Variants in SLC25A12 observed in about 807,000 individuals in gnomAD.
The protein encoded by SLC25A12 is electrogenic aspartate/glutamate antiporter SLC25A12, mitochondrial.
SLC25A12 carries 32 observed loss-of-function variants against 83.3 expected under a neutral mutation model. That is an observed-to-expected ratio of 0.38 (90% CI 0.29 to 0.52). SLC25A12 has a LOEUF of 0.52. SLC25A12 is among the 20% of genes least tolerant of loss of function. The pLI, the probability that SLC25A12 is intolerant of heterozygous loss-of-function variation, is 0.84. For missense variants in SLC25A12, 611 were observed against 835.6 expected (o/e 0.73, Z 3.31); for synonymous variants, 267 against 291.1 (o/e 0.92, Z 0.84).
At chr2:171,858,988 C>T (rs1685096536) in intron 3 of SLC25A12, among the ~76,000 whole-genome samples, 1 of 152,162 alleles carries the variant, frequency 6.6e-6, no homozygotes, top group African/African-American at 2.4e-5. Context: ...GCCAGAAGGA[C>T]CCTTAGAAAG....
chr2:171,826,185 A>G (rs1463333573), intron 9 of SLC25A12, among the ~76,000 whole-genome samples: 3 of 152,228 alleles, frequency 2.0e-5, no homozygotes, highest in Non-Finnish European at 2.9e-5. Context: ...TTTAAATGTG[A>G]CGAGGCAAAT....
intron 4 of SLC25A12, 59 bp from the exon 5 acceptor site, chr2:171,844,567 G>T: frequency 1.7e-6 from 2 of 1,184,088 alleles, no homozygotes; most frequent in Non-Finnish European, 2.5e-6. Context: ...TTAAACCACT[G>T]CAATGTTCCT....
rs569055936 is a variant in SLC25A12, at chr2:171,859,588, A to G, written c.210-3639T>C. 1.2e-3 allele frequency among the ~76,000 whole-genome samples: 188 copies of G among 152,360 alleles called. 2 individuals are homozygous for G. The South Asian group carries it at 0.038, about 31-fold the overall frequency. Reference sequence around the variant, plus strand: ...ATGCTAAATGAAATAAGGCAGACACAAAAGGACAAATATTATATTGTTCCA... The same window carrying G: ...ATGCTAAATGAAATAAGGCAGACACGAAAGGACAAATATTATATTGTTCCA... On this transcript the variant is annotated intron_variant, in intron 3 of 17. Coordinates refer to ENST00000422440, the MANE Select transcript of SLC25A12 (RefSeq NM_003705.5).
intron 9 of SLC25A12, among the ~76,000 whole-genome samples, chr2:171,817,978 C>T (rs1684089999): frequency 6.6e-6 from 1 of 152,134 alleles, no homozygotes; most frequent in Non-Finnish European, 1.5e-5. Context: ...ACCCAAATGC[C>T]TTTTGACAGA....
At chr2:171,840,065 T>C (rs963376368) in intron 5 of SLC25A12, among the ~76,000 whole-genome samples, 1 of 152,112 alleles carries the variant, frequency 6.6e-6, no homozygotes, top group African/African-American at 2.4e-5. Flanking sequence ...TTCTGCAAAA[T>C]TGAACACTGA....
rs920663262 is a variant in SLC25A12 at position 171,785,014 on chromosome 2, A to G, written c.*260T>C. 6.9e-6 allele frequency: 3 copies of G among 432,706 alleles called. No homozygotes were observed. Among genetic ancestry groups the G allele is most frequent in the Non-Finnish European group, 1.3e-5 (3 of 230,772 alleles). The allele number at this position is 432,706 out of a possible 1,614,324, so 26.8% of individuals were successfully genotyped here. On this transcript the variant is annotated 3_prime_UTR_variant, in exon 18 of 18. Transcript: ENST00000422440. ...ATCACTGTAAGTGCAAGCTGTGCAA[A>G]GCAGAGTCTAGAACACTAATTCATG...
intron 8 of SLC25A12, among the ~76,000 whole-genome samples, chr2:171,827,319 A>T (rs1301492892): frequency 6.6e-6 from 1 of 151,458 alleles, no homozygotes; most frequent in African/African-American, 2.4e-5. Flanking sequence ...TTTTTTTCCA[A>T]CGATATGTTC....
intron 13 of SLC25A12, among the ~76,000 whole-genome samples, chr2:171,800,345 A>ACG (rs1317327954): frequency 2.6e-5 from 4 of 151,932 alleles, no homozygotes; most frequent in African/African-American, 9.7e-5. Context: ...ACACACACAC[A>ACG]CACATATACG....
At chr2:171,831,731 G>T (rs901562443) in intron 8 of SLC25A12, among the ~76,000 whole-genome samples, 1 of 151,684 alleles carries the variant, frequency 6.6e-6, no homozygotes, top group Non-Finnish European at 1.5e-5. Flanking sequence ...CATGGCTGTC[G>T]CTACTAAAAA....
chr2:171,877,981 T>A (rs1454480227), intron 2 of SLC25A12, among the ~76,000 whole-genome samples: 4 of 152,138 alleles, frequency 2.6e-5, no homozygotes, highest in Non-Finnish European at 4.4e-5. Flanking sequence ...GTATCAAGAT[T>A]AAGGATTTTT....
intron 5 of SLC25A12, among the ~76,000 whole-genome samples, chr2:171,843,738 G>A (rs1027020597): frequency 2.6e-5 from 4 of 151,992 alleles, no homozygotes; most frequent in African/African-American, 7.2e-5. Flanking sequence ...TTGGGGGAAA[G>A]GGGACAGAAG....
chr2:171,884,616 CA>C (rs915684028), intron 2 of SLC25A12, among the ~76,000 whole-genome samples: 1 of 150,678 alleles, frequency 6.6e-6, no homozygotes, highest in Non-Finnish European at 1.5e-5. Flanking sequence ...ACTAAAAATA[CA>C]AAAAAAATTT....
intron 5 of SLC25A12, among the ~76,000 whole-genome samples, chr2:171,840,901 C>T (rs369002965): frequency 2.2e-4 from 33 of 152,098 alleles, no homozygotes; most frequent in Admixed American, 1.3e-3. Context: ...ACTCCCGAGT[C>T]AGAGTGGAAA....
intron 3 of SLC25A12, among the ~76,000 whole-genome samples, chr2:171,866,602 T>C (rs1166724145): frequency 6.6e-5 from 2 of 30,442 alleles, no homozygotes; most frequent in African/African-American, 2.3e-4. Flanking sequence ...CCCCCCCACC[T>C]CCCTCCCGGA....
At chr2:171,890,111 T>A (rs370548102) in intron 2 of SLC25A12, among the ~76,000 whole-genome samples, 1 of 152,222 alleles carries the variant, frequency 6.6e-6, no homozygotes, top group African/African-American at 2.4e-5. Context: ...TCCAATCACA[T>A]GTCCATCAGC....
At chr2:171,841,282 G>A (rs2105892699) in intron 5 of SLC25A12, among the ~76,000 whole-genome samples, 1 of 152,308 alleles carries the variant, frequency 6.6e-6, no homozygotes, top group East Asian at 1.9e-4. Flanking sequence ...GTTTCACCAT[G>A]TTGGCCAGGC....
At chr2:171,889,420 AC>A (rs1371515953) in intron 2 of SLC25A12, among the ~76,000 whole-genome samples, 1 of 152,134 alleles carries the variant, frequency 6.6e-6, no homozygotes, top group Non-Finnish European at 1.5e-5. Flanking sequence ...CCAGCCATCA[AC>A]CACTCTAGGT....
intron 5 of SLC25A12, among the ~76,000 whole-genome samples, chr2:171,839,799 A>G (rs2138872): frequency 2.0e-5 from 3 of 152,188 alleles, no homozygotes; most frequent in African/African-American, 7.2e-5. Flanking sequence ...AGATTCAATT[A>G]TTAGCTGCAT....
intron 14 of SLC25A12, among the ~76,000 whole-genome samples, chr2:171,792,738 GGGAGGA>G (rs1208920984): frequency 6.6e-6 from 1 of 152,164 alleles, no homozygotes; most frequent in African/African-American, 2.4e-5. Flanking sequence ...ATTGGGAGTG[GGGAGGA>G]GGAAGCAAAA....
Sources: allele counts gnomAD v4.1 joint callset (sites outside exome capture counted in the v4.1 genomes callset), GRCh38; gene constraint gnomAD v4.1.1; transcripts MANE v1.5; gene names NCBI Gene and HGNC (gene_info 2026-07-23, HGNC 2026-07-21).